RTN4R: variants seen among roughly 807,000 people sequenced by gnomAD.
The protein encoded by RTN4R is reticulon-4 receptor.
A neutral mutation model predicts 27.7 loss-of-function variants in RTN4R; 4 were observed. That is an observed-to-expected ratio of 0.14 (90% CI 0.07 to 0.33). RTN4R has a LOEUF of 0.33. Ranked by LOEUF, RTN4R falls within the 10% of genes least tolerant of loss-of-function variation. The probability of loss-of-function intolerance (pLI) is 1.00; values close to 1 mark genes in which losing one functional copy is unlikely to be tolerated. For synonymous variants in RTN4R, 290 were observed against 305.6 expected (o/e 0.95, Z 0.53); for missense variants, 554 against 671.5 (o/e 0.83, Z 1.93).
At chr22:20,267,701 A>G (rs2051286951) in intron 1 of RTN4R, 1 of 448,476 alleles carries the variant, frequency 2.2e-6, no homozygotes, top group South Asian at 1.6e-5. Context: ...ACGTTTCTGC[A>G]AAAACCCGCT....
rs768329971 is a variant in RTN4R at position 20,242,384 on chromosome 22, C to G, written c.749G>C (p.Arg250Pro). The G allele has an allele frequency of 6.2e-7, 1 of 1,612,906 alleles. No homozygotes were observed. Among genetic ancestry groups the G allele is most frequent in the South Asian group, 1.1e-5 (1 of 91,074 alleles). ...GTTGAGCCTCAGGTACTGCAGGGCA[C>G]GCAGGGGGGCCAGGGCCTCAGTGGG... ...ALPTEALAPL[R>P]ALQYLRLNDN... Residue 250 changes from arginine (R) to proline (P), a missense_variant, in exon 2 of 2, where the codon CGT becomes CCT. By Grantham distance (103) the Arg-to-Pro change is moderately radical. Around this residue, in one of 2 missense-constraint regions of RTN4R, gnomAD observed 413 missense variants for 542.3 expected, o/e 0.76. Transcript: ENST00000043402.
chr22:20,267,521 G>A (rs1490549087), intron 1 of RTN4R: 2 of 428,454 alleles, frequency 4.7e-6, no homozygotes, highest in Admixed American at 2.7e-5. Context: ...TCCTCTCACC[G>A]CCCGCCCTGG....
chr22:20,249,243 T>C, intron 1 of RTN4R: 1 of 531,132 alleles, frequency 1.9e-6, no homozygotes. Context: ...GCCGGCCTGC[T>C]CCCACCCTGG....
rs575287756 is a variant in RTN4R, at chr22:20,260,967, C to G, written c.22+7104G>C. ...AGCCCTGCCCGGACCCTGTGCACCCCACTCCCACCCCGTCATAGCCTCTCA... is the reference window on the plus strand; with the variant it reads ...AGCCCTGCCCGGACCCTGTGCACCCGACTCCCACCCCGTCATAGCCTCTCA... On this transcript the variant is annotated intron_variant, in intron 1 of 1. Transcript: ENST00000043402. 2.0e-5 allele frequency among the ~76,000 whole-genome samples: 3 copies of G among 152,306 alleles called. No homozygotes were observed. In the South Asian group the frequency reaches 6.2e-4, roughly 32 times the overall value.
intron 1 of RTN4R, among the ~76,000 whole-genome samples, chr22:20,260,841 C>G (rs1316149840): frequency 6.6e-6 from 1 of 152,170 alleles, no homozygotes; most frequent in Non-Finnish European, 1.5e-5. Flanking sequence ...GGTCCTGCGG[C>G]AGAGCTCCTG....
At chr22:20,243,992 A>C (rs540494448) in intron 1 of RTN4R, among the ~76,000 whole-genome samples, 2 of 152,174 alleles carry the variant, frequency 1.3e-5, no homozygotes, top group Non-Finnish European at 2.9e-5. Context: ...AGCTGGTCTC[A>C]CCAGCGGGGT....
At chr22:20,254,949 T>C (rs1290862991) in intron 1 of RTN4R, among the ~76,000 whole-genome samples, 1 of 151,944 alleles carries the variant, frequency 6.6e-6, no homozygotes, top group Non-Finnish European at 1.5e-5. Context: ...AGAAGAACAT[T>C]TATGGGACCT....
At chr22:20,256,082 C>G (rs2051210748) in intron 1 of RTN4R, among the ~76,000 whole-genome samples, 1 of 152,238 alleles carries the variant, frequency 6.6e-6, no homozygotes, top group Admixed American at 6.5e-5. Context: ...GCCGCTGCCT[C>G]TTGGAAAACG....
chr22:20,242,263 C>G lies in RTN4R; in HGVS notation c.870G>C (p.Pro290=). The G allele has an allele frequency of 6.3e-7, 1 of 1,597,908 alleles. No homozygotes were observed. Among genetic ancestry groups the G allele is most frequent in the Non-Finnish European group, 8.5e-7 (1 of 1,173,362 alleles). Reference sequence around the variant, plus strand: ...TGAGGTCACGGCCAGCCAGGCGTTGCGGGAGGCTGCAGGGCACCTCGGAGG... The same window carrying G: ...TGAGGTCACGGCCAGCCAGGCGTTGGGGGAGGCTGCAGGGCACCTCGGAGG... ...GSSSEVPCSL[P]QRLAGRDLKR... is the part of the protein sequence containing the mutation. The change falls in exon 2 of 2, where the codon CCG becomes CCC. Residue 290 remains proline, a synonymous_variant. Transcript: ENST00000043402.
At chr22:20,253,637 C>T (rs1567871) in intron 1 of RTN4R, among the ~76,000 whole-genome samples, 35,105 of 151,976 alleles carry the variant, frequency 0.23, 4,369 homozygotes, top group East Asian at 0.4. Flanking sequence ...ACCAGGCATC[C>T]GGAAAACATA....
At chr22:20,261,737 G>T (rs2051248603) in intron 1 of RTN4R, among the ~76,000 whole-genome samples, 2 of 152,234 alleles carry the variant, frequency 1.3e-5, no homozygotes, top group African/African-American at 4.8e-5. Context: ...TGCCAGTGTG[G>T]CTGTCCCACC....
chr22:20,250,070 C>T (rs1209059465), intron 1 of RTN4R, among the ~76,000 whole-genome samples: 1 of 152,182 alleles, frequency 6.6e-6, no homozygotes, highest in Non-Finnish European at 1.5e-5. Context: ...TGGGATCCAG[C>T]ACTCCCCAGG....
intron 1 of RTN4R, among the ~76,000 whole-genome samples, chr22:20,260,372 G>A (rs2051238090): frequency 6.6e-6 from 1 of 152,200 alleles, no homozygotes; most frequent in South Asian, 2.1e-4. Flanking sequence ...GGAGAGCCAG[G>A]AGGGAAGCGG....
intron 1 of RTN4R, among the ~76,000 whole-genome samples, chr22:20,264,721 G>A (rs914097674): frequency 6.6e-6 from 1 of 152,218 alleles, no homozygotes; most frequent in African/African-American, 2.4e-5. Flanking sequence ...GGACCCGAGA[G>A]GGCATCTGCA....
chr22:20,264,488 T>C (rs548688954), intron 1 of RTN4R, among the ~76,000 whole-genome samples: 1 of 152,270 alleles, frequency 6.6e-6, no homozygotes, highest in South Asian at 2.1e-4. Flanking sequence ...AAGCATTTAA[T>C]CCTAGAGATG....
chr22:20,248,249 T>C (rs997365078), intron 1 of RTN4R, among the ~76,000 whole-genome samples: 2 of 152,138 alleles, frequency 1.3e-5, no homozygotes, highest in Non-Finnish European at 2.9e-5. Context: ...AGAAAAATAA[T>C]AACAAGTAAA....
At chr22:20,243,966 G>A (rs187906677) in intron 1 of RTN4R, among the ~76,000 whole-genome samples, 316 of 152,244 alleles carry the variant, frequency 2.1e-3, no homozygotes, top group Non-Finnish European at 3.1e-4. Context: ...AGTCCCTCCC[G>A]GGGTGCCGCA....
chr22:20,249,178 C>A (rs71312743), intron 1 of RTN4R: 368 of 534,214 alleles, frequency 6.9e-4, no homozygotes, highest in Non-Finnish European at 1.2e-3. Context: ...TAATTCAATC[C>A]AGCAGCCAGA....
rs2145971702 is a variant in RTN4R at position 20,242,101 on chromosome 22, G to C, written c.1032C>G (p.Ala344=). The C allele has an allele frequency of 6.2e-7, 1 of 1,612,190 alleles. No individual in the cohort carries two copies. The highest frequency in any genetic ancestry group is 1.1e-5 in the South Asian group (1 of 91,040). The change falls in exon 2 of 2, where the codon GCC becomes GCG. Residue 344 remains alanine, a synonymous_variant. Coordinates refer to ENST00000043402, the MANE Select transcript of RTN4R (RefSeq NM_023004.6). ...KCCQPDAADK[A]SVLEPGRPAS... is the part of the protein sequence containing the mutation. ...CTGGTCTTCCAGGCTCCAGTACTGA[G>C]GCCTTGTCAGCGGCATCTGGCTGGC... is the stretch of plus-strand genomic sequence containing the variant.
Sources: gnomAD v4.1 joint callset for allele counts (sites outside exome capture counted in the v4.1 genomes callset) on GRCh38, gnomAD v4.1.1 for gene constraint, gnomAD v4.1.1 regional missense constraint, MANE v1.5 for transcripts, NCBI Gene and HGNC (gene_info 2026-07-23, HGNC 2026-07-21) for gene names.